KCNH5: variants seen among roughly 807,000 people sequenced by gnomAD.
The protein encoded by KCNH5 is voltage-gated delayed rectifier potassium channel KCNH5.
In KCNH5, 46 loss-of-function variants were observed where a neutral mutation model predicts 96.1. The ratio of observed to expected loss-of-function variants is 0.48; its 90% CI spans 0.38 to 0.61. KCNH5 has a LOEUF of 0.61. Ranked by LOEUF, KCNH5 falls within the 20% of genes least tolerant of loss-of-function variation. The pLI is 0.00. For missense variants in KCNH5, 907 were observed against 1,225.8 expected (o/e 0.74, Z 3.88); for synonymous variants, 439 against 449.8 (o/e 0.98, Z 0.30).
chr14:62,859,283 T>G (rs764717907), intron 7 of KCNH5, among the ~76,000 whole-genome samples: 2 of 152,172 alleles, frequency 1.3e-5, no homozygotes, highest in African/African-American at 4.8e-5. Context: ...CGCTCAGCAG[T>G]GGCCATAGCC....
At chr14:63,015,687 A>G (rs1891313719) in intron 2 of KCNH5, among the ~76,000 whole-genome samples, 1 of 151,912 alleles carries the variant, frequency 6.6e-6, no homozygotes, top group Non-Finnish European at 1.5e-5. Flanking sequence ...GTATATCAAA[A>G]TCCGTGCACA....
chr14:63,038,379 G>A (rs929776347), intron 1 of KCNH5, among the ~76,000 whole-genome samples: 3 of 152,068 alleles, frequency 2.0e-5, no homozygotes, highest in Non-Finnish European at 4.4e-5. Flanking sequence ...CCAATTATAT[G>A]TCCTTATATC....
At chr14:62,953,446 C>G (rs986623475) in intron 6 of KCNH5, among the ~76,000 whole-genome samples, 1 of 152,152 alleles carries the variant, frequency 6.6e-6, no homozygotes, top group Non-Finnish European at 1.5e-5. Context: ...AAAGAAACCT[C>G]TCTCCTGAGT....
intron 8 of KCNH5, among the ~76,000 whole-genome samples, chr14:62,820,160 T>C (rs1271580447): frequency 6.6e-6 from 1 of 152,126 alleles, no homozygotes; most frequent in Non-Finnish European, 1.5e-5. Context: ...GCAGCAGCTC[T>C]GAGGGGGGTA....
In KCNH5 at chr14:62,707,523, A is replaced by G; in HGVS notation, c.2952T>C (p.Asp984=). The change falls in exon 11 of 11, where the codon GAT becomes GAC. Residue 984 remains aspartate (D), a synonymous_variant. Coordinates refer to ENST00000322893, the MANE Select transcript of KCNH5 (RefSeq NM_139318.5). ...TGTATATATATTAAAAGTGGATTTC[A>G]TCTTTGTCAGATTCAGGTGATTCAG... ...SRPESPESDK[D]EIHF The G allele has an allele frequency of 1.4e-6, 2 of 1,447,184 alleles. No homozygotes were observed. The highest frequency in any genetic ancestry group is 1.8e-5 in the South Asian group (1 of 56,822). The allele number at this position is 1,447,184 out of a possible 1,614,324, so 89.6% of individuals were successfully genotyped here.
chr14:62,778,916 G>A (rs913147677), intron 10 of KCNH5, among the ~76,000 whole-genome samples: 2 of 152,096 alleles, frequency 1.3e-5, no homozygotes, highest in Non-Finnish European at 2.9e-5. Flanking sequence ...TTATCTCTTT[G>A]CTCAATTTCT....
At chr14:63,026,607 C>A (rs140039772) in intron 1 of KCNH5, among the ~76,000 whole-genome samples, 276 of 152,122 alleles carry the variant, frequency 1.8e-3, no homozygotes, top group African/African-American at 6.2e-3. Flanking sequence ...TGAAAGAAAG[C>A]TTAACATCAC....
At chr14:62,925,832 A>C (rs959745725) in intron 7 of KCNH5, among the ~76,000 whole-genome samples, 5 of 152,068 alleles carry the variant, frequency 3.3e-5, no homozygotes, top group African/African-American at 1.2e-4. Flanking sequence ...TAAATGGTTG[A>C]GTGCTCTCTG....
intron 9 of KCNH5, among the ~76,000 whole-genome samples, chr14:62,799,972 AAAG>A (rs1482894323): frequency 6.0e-5 from 9 of 150,666 alleles, no homozygotes; most frequent in Admixed American, 3.3e-4. Context: ...AGGAGAAAGA[AAAG>A]GAGGAGGAGG....
chr14:63,006,310 C>T, intron 3 of KCNH5, 56 bp downstream of exon 3: 2 of 1,139,898 alleles, frequency 1.8e-6, no homozygotes, highest in East Asian at 2.4e-5. Context: ...CTACGACTTA[C>T]CAAACATAAT....
chr14:62,956,552 T>C (rs1196074735), intron 6 of KCNH5, among the ~76,000 whole-genome samples: 1 of 151,454 alleles, frequency 6.6e-6, no homozygotes, highest in African/African-American at 2.4e-5. Context: ...GTCACTGATG[T>C]GTTATTAAGC....
chr14:62,960,369 T>G (rs901066137), intron 6 of KCNH5, among the ~76,000 whole-genome samples: 3 of 152,170 alleles, frequency 2.0e-5, no homozygotes, highest in African/African-American at 7.2e-5. Flanking sequence ...CTTTTATCCC[T>G]AGCACACTCT....
chr14:62,718,895 A>C (rs1254197034), intron 10 of KCNH5, among the ~76,000 whole-genome samples: 2 of 152,242 alleles, frequency 1.3e-5, no homozygotes. Flanking sequence ...CAGTATAGAC[A>C]CATAATGCAA....
intron 3 of KCNH5, among the ~76,000 whole-genome samples, chr14:63,003,613 T>TAC (rs1231334899): frequency 4.8e-5 from 6 of 123,872 alleles, no homozygotes; most frequent in African/African-American, 1.3e-4. Flanking sequence ...TATATTTATA[T>TAC]ATATATATAT....
At chr14:63,036,623 C>T (rs1891727000) in intron 1 of KCNH5, among the ~76,000 whole-genome samples, 1 of 151,976 alleles carries the variant, frequency 6.6e-6, no homozygotes, top group African/African-American at 2.4e-5. Flanking sequence ...GAAATACAGA[C>T]CTGGGGCACA....
intron 1 of KCNH5, among the ~76,000 whole-genome samples, chr14:63,023,459 C>T (rs938386626): frequency 1.3e-5 from 2 of 152,046 alleles, no homozygotes; most frequent in Non-Finnish European, 2.9e-5. Flanking sequence ...TCCATATATG[C>T]TAACTTTGTC....
chr14:63,022,284 A>G (rs1337781672), intron 1 of KCNH5, among the ~76,000 whole-genome samples: 1 of 151,904 alleles, frequency 6.6e-6, no homozygotes, highest in African/African-American at 2.4e-5. Flanking sequence ...TATCTCCTAA[A>G]ACTCTTTCAA....
chr14:62,906,690 T>A (rs1214428228), intron 7 of KCNH5, among the ~76,000 whole-genome samples: 1 of 152,212 alleles, frequency 6.6e-6, no homozygotes, highest in East Asian at 1.9e-4. Context: ...CATGTAAGGG[T>A]TATATTGTTT....
intron 7 of KCNH5, among the ~76,000 whole-genome samples, chr14:62,918,443 T>C (rs893748469): frequency 6.6e-6 from 1 of 152,104 alleles, no homozygotes; most frequent in Non-Finnish European, 1.5e-5. Flanking sequence ...GAAGAATCAA[T>C]TGTTAGCTGG....
Sources: gnomAD v4.1 joint callset for allele counts (sites outside exome capture counted in the v4.1 genomes callset) on GRCh38, gnomAD v4.1.1 for gene constraint, MANE v1.5 for transcripts, NCBI Gene and HGNC (gene_info 2026-07-23, HGNC 2026-07-21) for gene names.